The following EYA1 variants were observed in gnomAD, a reference collection of about 807,000 sequenced individuals.
EYA1 encodes the protein protein phosphatase EYA1.
Under a neutral mutation model 82.0 loss-of-function variants are expected in EYA1, and 16 were observed. The observed-to-expected ratio is 0.20, with a 90% confidence interval of 0.13 to 0.30. The LOEUF is 0.30. Among genes scored for constraint, EYA1 ranks in the 10% least tolerant of loss-of-function variants. The pLI is 1.00. For missense variants in EYA1, 633 were observed against 730.7 expected (o/e 0.87, Z 1.54); for synonymous variants, 261 against 264.4 (o/e 0.99, Z 0.12).
At chr8:71,270,745 T>A (rs1024082065) in intron 10 of EYA1, among the ~76,000 whole-genome samples, 3 of 152,224 alleles carry the variant, frequency 2.0e-5, no homozygotes, top group Non-Finnish European at 4.4e-5. Context: ...CCAAAATATG[T>A]CTCATTAGAT....
At chr8:71,480,343 G>T (rs961116346) in intron 2 of EYA1, among the ~76,000 whole-genome samples, 3 of 151,974 alleles carry the variant, frequency 2.0e-5, no homozygotes, top group Non-Finnish European at 4.4e-5. Flanking sequence ...AGATTACCGG[G>T]GTACAAAATG....
intron 7 of EYA1, among the ~76,000 whole-genome samples, chr8:71,300,239 A>C (rs925763007): frequency 6.6e-6 from 1 of 152,186 alleles, no homozygotes; most frequent in Non-Finnish European, 1.5e-5. Context: ...TTGACACAAC[A>C]AAGATGAAAG....
intron 12 of EYA1, among the ~76,000 whole-genome samples, chr8:71,238,044 A>G (rs1490983816): frequency 1.3e-5 from 2 of 152,106 alleles, no homozygotes; most frequent in African/African-American, 4.8e-5. Context: ...TAGGATCTCA[A>G]TACTTATTTC....
intron 2 of EYA1, among the ~76,000 whole-genome samples, chr8:71,411,821 C>T (rs377150716): frequency 9.6e-5 from 14 of 146,016 alleles, no homozygotes; most frequent in Admixed American, 3.4e-4. Context: ...GTCAGTGTGG[C>T]GATTCCTCAG....
intron 9 of EYA1, among the ~76,000 whole-genome samples, chr8:71,294,702 T>G (rs1338669160): frequency 6.6e-6 from 1 of 152,106 alleles, no homozygotes; most frequent in Non-Finnish European, 1.5e-5. Flanking sequence ...CCAGCCAAAA[T>G]CCCAGAAATT....
chr8:71,299,820 A>C, intron 7 of EYA1, 100 bp from the exon 8 acceptor site: 2 of 753,254 alleles, frequency 2.7e-6, no homozygotes, highest in South Asian at 2.8e-5. Context: ...TATTTGGTTT[A>C]TCTTCGACAC....
At position 71,271,909 on chromosome 8, in the gene EYA1, T is replaced by C. The variant is rs957331699; in HGVS notation, c.827-12A>G. ...GATTGTGCTGTACTCTGCAGGAATATAGGAAGGACTTTCATCTTTTATTTC... is the reference window on the plus strand; with the variant it reads ...GATTGTGCTGTACTCTGCAGGAATACAGGAAGGACTTTCATCTTTTATTTC... On this transcript the variant is annotated splice_polypyrimidine_tract_variant and intron_variant, in intron 9 of 17. Coordinates refer to ENST00000340726, the MANE Select transcript of EYA1 (RefSeq NM_000503.6). 1.9e-6 allele frequency: 3 copies of C among 1,614,030 alleles called. No individual in the cohort carries two copies. Among genetic ancestry groups the C allele is most frequent in the African/African-American group, 2.7e-5 (2 of 74,924 alleles).
At chr8:71,515,264 C>G (rs537520310) in intron 2 of EYA1, among the ~76,000 whole-genome samples, 51 of 152,088 alleles carry the variant, frequency 3.4e-4, no homozygotes, top group African/African-American at 1.1e-3. Flanking sequence ...ATGTGCATTC[C>G]CACAGCTGGT....
At chr8:71,388,451 T>C (rs1829090728) in intron 2 of EYA1, among the ~76,000 whole-genome samples, 1 of 152,158 alleles carries the variant, frequency 6.6e-6, no homozygotes, top group Non-Finnish European at 1.5e-5. Context: ...CCAGAGTTTT[T>C]CGGTTGTCTG....
chr8:71,402,144 G>A (rs1752148249), intron 2 of EYA1, among the ~76,000 whole-genome samples: 1 of 152,176 alleles, frequency 6.6e-6, no homozygotes, highest in South Asian at 2.1e-4. Context: ...TGAGCCATTT[G>A]AGAACCAGAT....
At chr8:71,301,713 G>A (rs548373398) in intron 7 of EYA1, among the ~76,000 whole-genome samples, 1 of 152,268 alleles carries the variant, frequency 6.6e-6, no homozygotes, top group African/African-American at 2.4e-5. Context: ...GATAGGCAGA[G>A]AGCTCTCACA....
At chr8:71,254,524 A>G (rs926806109) in intron 11 of EYA1, among the ~76,000 whole-genome samples, 2 of 152,300 alleles carry the variant, frequency 1.3e-5, no homozygotes, top group African/African-American at 4.8e-5. Context: ...GTAAATAAAC[A>G]AAACTACTGG....
intron 9 of EYA1, among the ~76,000 whole-genome samples, chr8:71,284,872 C>G (rs746547085): frequency 6.6e-6 from 1 of 152,194 alleles, no homozygotes; most frequent in African/African-American, 2.4e-5. Context: ...TTGTTAATTT[C>G]TTCTTCAAAC....
chr8:71,200,256 A>T lies in EYA1; in HGVS notation c.1699-836T>A, dbSNP rs193134204. On this transcript the variant is annotated intron_variant, in intron 17 of 17. Transcript: ENST00000340726. ...AATAGGATTCTTAAGCAAAAAAATA[A>T]TGTGGTGCCTGGAGTATAATTTGCA... 3.9e-5 allele frequency: 6 copies of T among 152,374 alleles called. No individual in the cohort carries two copies. In the East Asian group the frequency reaches 1.2e-3, roughly 29 times the overall value. 9.4% of individuals were successfully genotyped at this position (152,374 alleles called of 1,614,324 possible).
chr8:71,238,310 C>T lies in EYA1; in HGVS notation c.1140+6293G>A, dbSNP rs568767850. ...CAACATTAGGCCGCATAATTCTTCA[C>T]GCTATTGTAGAATTATAAAACATTT... On this transcript the variant is annotated intron_variant, in intron 12 of 17. Transcript: ENST00000340726. Among the ~76,000 whole-genome samples the T allele has an allele frequency of 2.5e-4, 38 of 152,216 alleles. No homozygotes were observed. The East Asian group carries it at 2.5e-3, about 10-fold the overall frequency.
Position 71,518,892 on chromosome 8 carries a change from A to G in EYA1, c.33+16852T>C, listed in dbSNP as rs1193197648. On this transcript the variant is annotated intron_variant, in intron 2 of 18. Transcript: ENST00000643681. ...AAGTTCATAAAATCAGCTAGTATCT[A>G]CTAATATCCAGAACTTTTAAATTAC... 3.3e-5 allele frequency among the ~76,000 whole-genome samples: 5 copies of G among 152,298 alleles called. No homozygotes were observed. The East Asian group carries it at 9.6e-4, about 29-fold the overall frequency.
chr8:71,423,701 T>C (rs968677748), intron 2 of EYA1, among the ~76,000 whole-genome samples: 1 of 152,346 alleles, frequency 6.6e-6, no homozygotes, highest in South Asian at 2.1e-4. Flanking sequence ...ACAATACCAC[T>C]ATTTAAAATT....
intron 10 of EYA1, among the ~76,000 whole-genome samples, chr8:71,270,844 G>GGCGT (rs1816436148): frequency 6.6e-6 from 1 of 152,102 alleles, no homozygotes. Flanking sequence ...TTTATGGCTG[G>GGCGT]GCGTGGTGGC....
chr8:71,321,851 G>A lies in EYA1; in HGVS notation c.301C>T (p.Pro101Ser), dbSNP rs138603867. 2.5e-6 allele frequency: 4 copies of A among 1,614,252 alleles called. No homozygotes were observed. The highest frequency in any genetic ancestry group is 2.2e-5 in the East Asian group (1 of 44,882). ...TATGCAGCCATAGTTTGTGAGGAAG[G>A]GGTAGGGAGAATATGTGGGTATGGT... The part of the protein sequence containing the change: ...NRPYPHILPT[P>S]SSQTMAAYGQ... The change falls in exon 6 of 18, where the codon CCT becomes TCT. Residue 101 changes from proline (P) to serine (S), a missense_variant. Coordinates refer to ENST00000340726, the MANE Select transcript of EYA1 (RefSeq NM_000503.6).
Sources: allele counts gnomAD v4.1 joint callset (sites outside exome capture counted in the v4.1 genomes callset), GRCh38; gene constraint gnomAD v4.1.1; transcripts MANE v1.5; gene names NCBI Gene and HGNC (gene_info 2026-07-23, HGNC 2026-07-21).